Variants in SLC35F3 observed in about 807,000 individuals in gnomAD.
The protein encoded by SLC35F3 is solute carrier family 35 member F3, also known as putative thiamine transporter SLC35F3.
Under a neutral mutation model 49.9 loss-of-function variants are expected in SLC35F3, and 25 were observed. The observed-to-expected ratio is 0.50, with a 90% CI of 0.37 to 0.70. The LOEUF (loss-of-function observed/expected upper bound fraction) is 0.70, where lower values mean the gene tolerates loss of function less well. Among genes scored for constraint, SLC35F3 ranks in the 30% least tolerant of loss-of-function variants. The probability of loss-of-function intolerance (pLI) is 0.00; values close to 1 mark genes in which losing one functional copy is unlikely to be tolerated. For missense variants in SLC35F3, 525 were observed against 639.8 expected, an observed-to-expected ratio of 0.82 and a Z score of 1.94; for synonymous variants, 275 against 265.4, an observed-to-expected ratio of 1.04 and a Z score of -0.35.
At chr1:234,110,360 G>C (rs997741444) in intron 2 of SLC35F3, among the ~76,000 whole-genome samples, 4 of 152,228 alleles carry the variant, frequency 2.6e-5, no homozygotes, top group African/African-American at 4.8e-5. Flanking sequence ...CACTCACACC[G>C]GTTCTCAAAT....
chr1:234,051,506 C>T (rs571425157), intron 2 of SLC35F3, among the ~76,000 whole-genome samples: 1 of 152,290 alleles, frequency 6.6e-6, no homozygotes, highest in Admixed American at 6.5e-5. Flanking sequence ...TGAGACTTTG[C>T]TGAAGTTGCT....
intron 2 of SLC35F3, among the ~76,000 whole-genome samples, chr1:234,146,672 G>A (rs1407200758): frequency 6.6e-6 from 1 of 151,442 alleles, no homozygotes; most frequent in African/African-American, 2.4e-5. Flanking sequence ...GTGCCACCAC[G>A]CCTGGCTAAT....
At chr1:234,137,649 G>A (rs921969307) in intron 2 of SLC35F3, among the ~76,000 whole-genome samples, 2 of 152,196 alleles carry the variant, frequency 1.3e-5, no homozygotes, top group Non-Finnish European at 2.9e-5. Flanking sequence ...AGGCATCTTC[G>A]TGTCGTTAGT....
At chr1:234,105,995 A>G (rs1389353341) in intron 2 of SLC35F3, among the ~76,000 whole-genome samples, 1 of 152,212 alleles carries the variant, frequency 6.6e-6, no homozygotes, top group Non-Finnish European at 1.5e-5. Context: ...AAGAAACTGT[A>G]GGGCAGAGCT....
intron 2 of SLC35F3, among the ~76,000 whole-genome samples, chr1:233,911,903 T>C (rs189845913): frequency 7.1e-4 from 108 of 152,338 alleles, no homozygotes; most frequent in Non-Finnish European, 1.0e-4. Flanking sequence ...AAGTCCCTCC[T>C]GGATCTCATT....
intron 2 of SLC35F3, among the ~76,000 whole-genome samples, chr1:234,208,182 T>C (rs965384784): frequency 6.6e-6 from 1 of 152,214 alleles, no homozygotes; most frequent in Non-Finnish European, 1.5e-5. Flanking sequence ...TTGGCTATAC[T>C]TTAAGGCATT....
intron 3 of SLC35F3, among the ~76,000 whole-genome samples, chr1:234,306,993 A>G (rs951935820): frequency 6.6e-6 from 1 of 152,160 alleles, no homozygotes; most frequent in African/African-American, 2.4e-5. Context: ...GCCAGAAAGA[A>G]TATTTGTATT....
intron 2 of SLC35F3, among the ~76,000 whole-genome samples, chr1:234,137,695 G>A (rs1053020630): frequency 2.6e-5 from 4 of 152,176 alleles, no homozygotes; most frequent in Admixed American, 6.5e-5. Context: ...GAGGAGAACC[G>A]AAGATGGAGC....
intron 2 of SLC35F3, among the ~76,000 whole-genome samples, chr1:234,066,284 C>T (rs763568908): frequency 1.3e-5 from 2 of 152,086 alleles, no homozygotes; most frequent in Non-Finnish European, 2.9e-5. Context: ...TCTGCTATAG[C>T]GATTCCCATC....
chr1:234,267,700 G>A (rs1267999151), intron 3 of SLC35F3, among the ~76,000 whole-genome samples: 1 of 151,020 alleles, frequency 6.6e-6, no homozygotes, highest in Admixed American at 6.6e-5. Flanking sequence ...CTTCCCAGAC[G>A]GGGTGGCTGC....
intron 2 of SLC35F3, among the ~76,000 whole-genome samples, chr1:234,229,901 G>A (rs771567605): frequency 2.0e-5 from 3 of 152,288 alleles, no homozygotes; most frequent in South Asian, 2.1e-4. Flanking sequence ...GGGCATAAGC[G>A]CGCAGATCCC....
At chr1:234,309,037 A>C in intron 3 of SLC35F3, 64 bp from the exon 4 acceptor site, 1 of 1,310,394 alleles carries the variant, frequency 7.6e-7, no homozygotes, top group Non-Finnish European at 1.1e-6. Context: ...AACTTGCTAT[A>C]GGAAATAAAT....
At chr1:234,164,655 G>A (rs181285830) in intron 2 of SLC35F3, among the ~76,000 whole-genome samples, 161 of 152,176 alleles carry the variant, frequency 1.1e-3, no homozygotes, top group Non-Finnish European at 9.1e-4. Context: ...CCTACCTCCT[G>A]CTGGCCCATC....
intron 2 of SLC35F3, among the ~76,000 whole-genome samples, chr1:233,922,486 CTTTTT>C (rs35271789): frequency 1.9e-4 from 21 of 112,332 alleles, no homozygotes; most frequent in African/African-American, 6.9e-4. Flanking sequence ...TTTTGATGGC[CTTTTT>C]TTTTTTTTTT....
At chr1:233,976,442 G>A (rs1278791835) in intron 2 of SLC35F3, among the ~76,000 whole-genome samples, 3 of 152,144 alleles carry the variant, frequency 2.0e-5, no homozygotes, top group East Asian at 1.9e-4. Flanking sequence ...AATAGTCAGC[G>A]TTCTGCTGTA....
intron 2 of SLC35F3, among the ~76,000 whole-genome samples, chr1:234,175,970 A>G (rs1314243237): frequency 6.6e-6 from 1 of 152,154 alleles, no homozygotes; most frequent in Admixed American, 6.5e-5. Flanking sequence ...TTTCTCAAGC[A>G]TATCTCTGAG....
chr1:234,181,135 C>T (rs1374504010), intron 2 of SLC35F3, among the ~76,000 whole-genome samples: 1 of 151,924 alleles, frequency 6.6e-6, no homozygotes, highest in African/African-American at 2.4e-5. Flanking sequence ...GAGTTGGAGA[C>T]CAGCCTGGCC....
At chr1:233,948,559 CTTTTT>C (rs1445340531) in intron 2 of SLC35F3, among the ~76,000 whole-genome samples, 1 of 144,836 alleles carries the variant, frequency 6.9e-6, no homozygotes, top group Non-Finnish European at 1.5e-5. Context: ...TTTTTTTTTT[CTTTTT>C]TTAATTTTTT....
chr1:234,235,008 G>A (rs941969301), intron 3 of SLC35F3, among the ~76,000 whole-genome samples: 3 of 152,150 alleles, frequency 2.0e-5, no homozygotes, highest in Non-Finnish European at 2.9e-5. Flanking sequence ...TTTAAACTAC[G>A]AGAGTGCCAA....
Sources: allele counts gnomAD v4.1 joint callset (sites outside exome capture counted in the v4.1 genomes callset), GRCh38; gene constraint gnomAD v4.1.1; transcripts MANE v1.5; gene names NCBI Gene and HGNC (gene_info 2026-07-23, HGNC 2026-07-21).